SUZ12: variants seen among roughly 807,000 people sequenced by gnomAD.
The protein encoded by SUZ12 is SUZ12 polycomb repressive complex 2 subunit, also known as polycomb protein SUZ12.
A neutral mutation model predicts 87.3 loss-of-function variants in SUZ12; 17 were observed. The ratio of observed to expected loss-of-function variants is 0.19; its 90% CI spans 0.13 to 0.29. The LOEUF (loss-of-function observed/expected upper bound fraction) is 0.29, where lower values mean the gene tolerates loss of function less well. Among genes scored for constraint, SUZ12 ranks in the 10% least tolerant of loss-of-function variants. SUZ12 has a pLI of 1.00. For missense variants in SUZ12, 526 were observed against 912.2 expected, an observed-to-expected ratio of 0.58 and a Z score of 5.45; for synonymous variants, 253 against 312.4, an observed-to-expected ratio of 0.81 and a Z score of 2.01.
At chr17:31,943,853 A>G (rs1046791932) in intron 3 of SUZ12, among the ~76,000 whole-genome samples, 3 of 151,926 alleles carry the variant, frequency 2.0e-5, no homozygotes, top group Non-Finnish European at 4.4e-5. Context: ...GTGTGGCACT[A>G]CACCCAGCTA....
intron 10 of SUZ12, among the ~76,000 whole-genome samples, chr17:31,992,058 G>T (rs1042884758): frequency 6.6e-6 from 1 of 151,864 alleles, no homozygotes. Context: ...TTTGGAGGCC[G>T]AGATGAGCAG....
At chr17:31,963,497 TTG>T (rs1397363714) in intron 4 of SUZ12, among the ~76,000 whole-genome samples, 23 of 111,724 alleles carry the variant, frequency 2.1e-4, no homozygotes, top group Admixed American at 8.5e-4. Flanking sequence ...GGTATTTTTT[TTG>T]TTTTGTTTTG....
chr17:31,987,141 G>T (rs1295606488), intron 9 of SUZ12, among the ~76,000 whole-genome samples: 1 of 152,102 alleles, frequency 6.6e-6, no homozygotes, highest in Non-Finnish European at 1.5e-5. Flanking sequence ...CATGAGAAAC[G>T]AAAGGATAGG....
At chr17:31,982,824 CATTAA>C (rs1308558455) in intron 8 of SUZ12, among the ~76,000 whole-genome samples, 170 bp from the exon 9 acceptor site, 1 of 152,122 alleles carries the variant, frequency 6.6e-6, no homozygotes, top group African/African-American at 2.4e-5. Context: ...TAGTGTACAT[CATTAA>C]AATTGCTTTC....
chr17:31,965,515 C>T (rs2142160961), intron 4 of SUZ12, among the ~76,000 whole-genome samples: 1 of 152,212 alleles, frequency 6.6e-6, no homozygotes, highest in East Asian at 1.9e-4. Flanking sequence ...GCTTCTAAAA[C>T]TAACAGTGAA....
intron 9 of SUZ12, among the ~76,000 whole-genome samples, chr17:31,987,404 T>C (rs772185344): frequency 2.6e-5 from 4 of 152,146 alleles, no homozygotes; most frequent in Non-Finnish European, 5.9e-5. Flanking sequence ...ATAGGTAAAT[T>C]CTTGAGGATG....
intron 1 of SUZ12, among the ~76,000 whole-genome samples, chr17:31,939,496 A>G (rs552240912): frequency 6.0e-5 from 9 of 151,236 alleles, no homozygotes; most frequent in African/African-American, 2.2e-4. Context: ...ATTAGGATGT[A>G]TTAGGATTCT....
At chr17:31,998,616 A>G in intron 15 of SUZ12, 42 bp from the exon 16 acceptor site, 1 of 1,430,258 alleles carries the variant, frequency 7.0e-7, no homozygotes, top group African/African-American at 1.4e-5. Flanking sequence ...ATTTGACAAA[A>G]ATGCTTTGTA....
At chr17:31,956,205 G>A (rs189040045) in intron 4 of SUZ12, among the ~76,000 whole-genome samples, 3 of 150,994 alleles carry the variant, frequency 2.0e-5, no homozygotes, top group Non-Finnish European at 2.9e-5. Flanking sequence ...GAGCCACCAC[G>A]CCCAGCCAGT....
At chr17:31,977,761 T>C (rs1180152216) in intron 8 of SUZ12, among the ~76,000 whole-genome samples, 1 of 152,026 alleles carries the variant, frequency 6.6e-6, no homozygotes, top group Non-Finnish European at 1.5e-5. Flanking sequence ...CGGTGGCGTG[T>C]GCCTGTAATC....
chr17:31,981,132 T>C (rs1337307829), intron 8 of SUZ12, among the ~76,000 whole-genome samples: 1 of 152,008 alleles, frequency 6.6e-6, no homozygotes, highest in Non-Finnish European at 1.5e-5. Context: ...ATCAAAAACT[T>C]CTTCAGAAAA....
intron 9 of SUZ12, among the ~76,000 whole-genome samples, chr17:31,986,094 G>A (rs1313173857): frequency 6.6e-6 from 1 of 151,950 alleles, no homozygotes; most frequent in Non-Finnish European, 1.5e-5. Context: ...TCAGCCTCCT[G>A]AATAGTTGAG....
intron 5 of SUZ12, among the ~76,000 whole-genome samples, chr17:31,968,321 T>A (rs997459832): frequency 6.6e-6 from 1 of 151,928 alleles, no homozygotes; most frequent in Non-Finnish European, 1.5e-5. Flanking sequence ...GATCAACTCC[T>A]GGGCTCAAGT....
intron 9 of SUZ12, among the ~76,000 whole-genome samples, chr17:31,985,134 G>C (rs1409692326): frequency 6.9e-6 from 1 of 145,130 alleles, no homozygotes; most frequent in South Asian, 2.2e-4. Context: ...ACTTTATCCG[G>C]GGAAACAGAG....
At chr17:31,953,711 AT>A (rs756892113) in intron 4 of SUZ12, among the ~76,000 whole-genome samples, 2,252 of 131,738 alleles carry the variant, frequency 0.017, 10 homozygotes, top group African/African-American at 0.041. Flanking sequence ...CCCAGCCTCA[AT>A]TTTTTTTTTT....
intron 4 of SUZ12, among the ~76,000 whole-genome samples, chr17:31,953,129 A>G (rs1598153845): frequency 6.6e-6 from 1 of 152,012 alleles, no homozygotes; most frequent in Admixed American, 6.6e-5. Flanking sequence ...TTTTTGAGAC[A>G]AAGTCTTGCT....
In SUZ12 at chr17:31,975,131, A is replaced by C. The variant is rs1004162114; in HGVS notation, c.592-351A>C. Among the ~76,000 whole-genome samples, 45 of 152,298 alleles carry C rather than the reference A, an allele frequency of 3.0e-4. 1 individual carries two copies. The highest frequency in any genetic ancestry group is 2.3e-3 in the South Asian group (11 of 4,830). Reference sequence around the variant, plus strand: ...AAGTACATGAGTTTAACATTTTAGCATGGTTTTTTTGTTGTTGCTAAAAAG... The same window carrying C: ...AAGTACATGAGTTTAACATTTTAGCCTGGTTTTTTTGTTGTTGCTAAAAAG... On this transcript the variant is annotated intron_variant, in intron 6 of 15. Coordinates refer to ENST00000322652, the MANE Select transcript of SUZ12 (RefSeq NM_015355.4).
intron 10 of SUZ12, among the ~76,000 whole-genome samples, chr17:31,990,664 C>A (rs1909675070): frequency 6.6e-6 from 1 of 152,206 alleles, no homozygotes; most frequent in Admixed American, 6.5e-5. Flanking sequence ...CGCGCCCAGC[C>A]AGTTTTTAAG....
intron 9 of SUZ12, among the ~76,000 whole-genome samples, chr17:31,987,169 A>G (rs866712589): frequency 1.3e-5 from 2 of 152,336 alleles, no homozygotes; most frequent in Middle Eastern, 3.4e-3. Flanking sequence ...TATAATTCCA[A>G]AATTTTTAGC....
Sources: gnomAD v4.1 joint callset for allele counts (sites outside exome capture counted in the v4.1 genomes callset) on GRCh38, gnomAD v4.1.1 for gene constraint, MANE v1.5 for transcripts, NCBI Gene and HGNC (gene_info 2026-07-23, HGNC 2026-07-21) for gene names.